TTC29: variants seen among roughly 807,000 people sequenced by gnomAD.
The protein encoded by TTC29 is tetratricopeptide repeat protein 29.
TTC29 carries 49 observed loss-of-function variants against 58.1 expected under a neutral mutation model. That is an observed-to-expected ratio of 0.84 (90% CI 0.67 to 1.07). TTC29 has a LOEUF of 1.07. Ranked by LOEUF, TTC29 falls within the 50% of genes least tolerant of loss-of-function variation. The pLI, the probability that TTC29 is intolerant of heterozygous loss-of-function variation, is 0.00. For synonymous variants in TTC29, 209 were observed against 196.8 expected, an observed-to-expected ratio of 1.06 and a Z score of -0.52; for missense variants, 582 against 555.6, an observed-to-expected ratio of 1.05 and a Z score of -0.48.
At chr4:146,709,180 G>C (rs1290747302) in intron 11 of TTC29, among the ~76,000 whole-genome samples, 6 of 151,996 alleles carry the variant, frequency 3.9e-5, no homozygotes, top group African/African-American at 1.4e-4. Context: ...TTGACCTCCT[G>C]TTCTTTTACA....
At chr4:146,880,979 T>C (rs1217385946) in intron 6 of TTC29, among the ~76,000 whole-genome samples, 1 of 152,038 alleles carries the variant, frequency 6.6e-6, no homozygotes, top group African/African-American at 2.4e-5. Context: ...AAAAAGAAGT[T>C]GCTCCACTTA....
intron 11 of TTC29, among the ~76,000 whole-genome samples, chr4:146,799,000 T>C (rs1055675885): frequency 1.3e-5 from 2 of 151,988 alleles, no homozygotes; most frequent in African/African-American, 4.8e-5. Flanking sequence ...ACATATATTT[T>C]GAACCTCAGG....
intron 6 of TTC29, among the ~76,000 whole-genome samples, chr4:146,898,186 T>C (rs1482390235): frequency 7.9e-5 from 12 of 152,138 alleles, no homozygotes; most frequent in Non-Finnish European, 1.0e-4. Context: ...ATAAGTGGAC[T>C]CCCAATTCTA....
At chr4:146,848,051 T>A (rs1729289545) in intron 8 of TTC29, among the ~76,000 whole-genome samples, 1 of 152,178 alleles carries the variant, frequency 6.6e-6, no homozygotes, top group African/African-American at 2.4e-5. Context: ...TAACAATATT[T>A]TCAGATGAAC....
At chr4:146,811,952 CA>C (rs1189764389) in intron 10 of TTC29, among the ~76,000 whole-genome samples, 1 of 152,106 alleles carries the variant, frequency 6.6e-6, no homozygotes, top group Non-Finnish European at 1.5e-5. Context: ...CATATTACAT[CA>C]AAAATAACTT....
chr4:146,863,226 T>TTGCAGTTTGCAAAAATA (rs1351596427), intron 8 of TTC29, among the ~76,000 whole-genome samples: 2 of 152,210 alleles, frequency 1.3e-5, no homozygotes, highest in African/African-American at 4.8e-5. Flanking sequence ...TCCCAGGATT[T>TTGCAGTTTGCAAAAATA]TGCAGTTTGC....
intron 8 of TTC29, among the ~76,000 whole-genome samples, chr4:146,850,181 T>G (rs554830455): frequency 6.6e-6 from 1 of 152,192 alleles, no homozygotes; most frequent in Non-Finnish European, 1.5e-5. Flanking sequence ...TCCAAAACTA[T>G]GTTCTTAAGA....
Position 146,728,875 on chromosome 4 carries a change from GTA to G in TTC29, c.1331-21326_1331-21325del, listed in dbSNP as rs1188254801. 1.7e-4 allele frequency among the ~76,000 whole-genome samples: 4 copies of G among 23,148 alleles called. 1 individual carries two copies. The highest frequency in any genetic ancestry group is 4.5e-4 in the Non-Finnish European group (3 of 6,672). The allele number at this position is 23,148 out of a possible 152,430, so 15.2% of individuals were successfully genotyped here. A position where few individuals can be genotyped will look rare whatever the true frequency, so the allele number is the denominator to read the frequency against. ...TATATATACACATATATATGTGTGTGTATATATATATGTGTGTATGTATATAT... is the reference window on the plus strand; with the variant it reads ...TATATATACACATATATATGTGTGTGTATATATATGTGTGTATGTATATAT... On this transcript the variant is annotated intron_variant, in intron 11 of 12. Coordinates refer to ENST00000325106, the MANE Select transcript of TTC29 (RefSeq NM_031956.4).
chr4:146,903,429 A>T, intron 6 of TTC29, 115 bp downstream of exon 6: 1 of 937,514 alleles, frequency 1.1e-6, no homozygotes, highest in Non-Finnish European at 1.6e-6. Flanking sequence ...TCAATAATAT[A>T]CATGATTATG....
chr4:146,923,136 G>C (rs1734702749), intron 4 of TTC29, among the ~76,000 whole-genome samples: 1 of 151,658 alleles, frequency 6.6e-6, no homozygotes, highest in Non-Finnish European at 1.5e-5. Context: ...ACTGGGGGAG[G>C]GCCCAGAAAG....
intron 10 of TTC29, chr4:146,812,818 T>C (rs763740254): frequency 1.3e-5 from 2 of 152,246 alleles, no homozygotes; most frequent in African/African-American, 2.4e-5. Flanking sequence ...TCTTAGAGTT[T>C]ACTGTCTAAA....
chr4:146,923,306 A>C lies in TTC29; in HGVS notation c.177-14057T>G, dbSNP rs189112155. On this transcript the variant is annotated intron_variant, in intron 4 of 12. Transcript: ENST00000325106. ...AAAATCGTAGCTCAATATCATTATT[A>C]TTTAGATACAAAAATCACACACGCG... Among the ~76,000 whole-genome samples, 7 of 151,918 alleles carry C rather than the reference A, an allele frequency of 4.6e-5. No individual in the cohort carries two copies. In the East Asian group the frequency reaches 1.3e-3, roughly 29 times the overall value.
At chr4:146,761,925 A>G (rs577039702) in intron 11 of TTC29, among the ~76,000 whole-genome samples, 1 of 152,016 alleles carries the variant, frequency 6.6e-6, no homozygotes, top group South Asian at 2.1e-4. Flanking sequence ...TCTTCTTAAA[A>G]GGCGTTTATA....
At chr4:146,715,120 G>A (rs1039706828) in intron 11 of TTC29, among the ~76,000 whole-genome samples, 4 of 152,052 alleles carry the variant, frequency 2.6e-5, no homozygotes, top group African/African-American at 9.7e-5. Flanking sequence ...TGACAGGCAT[G>A]AGCTAACATG....
chr4:146,715,733 A>G (rs376399005), intron 11 of TTC29, among the ~76,000 whole-genome samples: 2 of 152,284 alleles, frequency 1.3e-5, no homozygotes, highest in East Asian at 1.9e-4. Flanking sequence ...ACTATAATTT[A>G]TTGACTATTT....
chr4:146,897,224 C>T (rs1732827709), intron 6 of TTC29, among the ~76,000 whole-genome samples: 2 of 152,132 alleles, frequency 1.3e-5, no homozygotes, highest in South Asian at 4.1e-4. Context: ...AACAGCACTC[C>T]TTATGCATAA....
intron 11 of TTC29, among the ~76,000 whole-genome samples, chr4:146,770,145 CAATT>C (rs1243833491): frequency 6.6e-6 from 1 of 152,028 alleles, no homozygotes; most frequent in African/African-American, 2.4e-5. Flanking sequence ...GAATGACACT[CAATT>C]AATGCCTATT....
chr4:146,777,993 T>C (rs544102055), intron 11 of TTC29, among the ~76,000 whole-genome samples: 100 of 152,276 alleles, frequency 6.6e-4, no homozygotes, highest in African/African-American at 1.8e-3. Context: ...GGAGCTCACA[T>C]TGGGTTTCAG....
At chr4:146,756,045 C>T (rs1352755370) in intron 11 of TTC29, among the ~76,000 whole-genome samples, 1 of 152,020 alleles carries the variant, frequency 6.6e-6, no homozygotes, top group African/African-American at 2.4e-5. Flanking sequence ...GAGGCCGAGG[C>T]AGGTGGATCA....
Sources: allele counts gnomAD v4.1 joint callset (sites outside exome capture counted in the v4.1 genomes callset), GRCh38; gene constraint gnomAD v4.1.1; transcripts MANE v1.5; gene names NCBI Gene and HGNC (gene_info 2026-07-23, HGNC 2026-07-21).